EMG1: variants seen among roughly 807,000 people sequenced by gnomAD.
EMG1 encodes the protein ribosomal RNA small subunit methyltransferase NEP1.
A neutral mutation model predicts 26.9 loss-of-function variants in EMG1; 24 were observed. That is an observed-to-expected ratio of 0.89 (90% confidence interval 0.65 to 1.26). The LOEUF is 1.26. Ranked by LOEUF, EMG1 falls within the 50% of genes most tolerant of loss-of-function variation. The probability of loss-of-function intolerance (pLI) is 0.00; values close to 1 mark genes in which losing one functional copy is unlikely to be tolerated. For missense variants in EMG1, 299 were observed against 307.6 expected (o/e 0.97, Z 0.21); for synonymous variants, 140 against 112.6 (o/e 1.24, Z -1.54).
downstream of EMG1, chr12:6,982,596 T>A (rs1401333623): frequency 6.5e-6 from 7 of 1,071,196 alleles, no homozygotes; most frequent in Non-Finnish European, 1.0e-5. Flanking sequence ...TGCTAATTTC[T>A]ATACCACAGT....
intron 3 of EMG1, 23 bp from the exon 4 acceptor site, chr12:6,975,067 G>A: frequency 1.2e-6 from 2 of 1,613,244 alleles, no homozygotes; most frequent in Non-Finnish European, 1.7e-6. Flanking sequence ...ATCTAGCTCT[G>A]AACTCTTTTT....
At chr12:6,973,735 G>C (rs778054396) in intron 1 of EMG1, among the ~76,000 whole-genome samples, 7 of 151,606 alleles carry the variant, frequency 4.6e-5, no homozygotes, top group African/African-American at 9.7e-5. Context: ...GTAGAGATGG[G>C]GTTTCACCGT....
Position 6,977,486 on chromosome 12 carries a change from G to A in EMG1, c.*1677G>A. 6.2e-7 allele frequency: 1 copy of A among 1,614,230 alleles called. No homozygotes were observed. On this transcript the variant is annotated 3_prime_UTR_variant, in exon 6 of 6. Transcript: ENST00000599672. The surrounding 1 kb of genome is among the most constrained non-coding windows in gnomAD (Gnocchi z 4.5). Reference sequence around the variant, plus strand: ...GGCTGGAGGACAGTAATGGCGGCCAGCTTGCTCAGGGTGGGGCTCTCTTGA... The same window carrying A: ...GGCTGGAGGACAGTAATGGCGGCCAACTTGCTCAGGGTGGGGCTCTCTTGA...
chr12:6,978,589 A>G lies in EMG1; in HGVS notation c.*2780A>G, dbSNP rs1555153638. The G allele has an allele frequency of 1.9e-6, 3 of 1,614,060 alleles. No homozygotes were observed. Among genetic ancestry groups the G allele is most frequent in the Admixed American group, 1.7e-5 (1 of 60,004 alleles). ...CTTGTCTAAATAGGACCTTGTTTCA[A>G]CTTTTCTACTTACTGTGACCAGCCA... On this transcript the variant is annotated 3_prime_UTR_variant, in exon 6 of 6. Transcript: ENST00000599672.
Position 6,978,539 on chromosome 12 carries a change from C to T in EMG1, c.*2730C>T, listed in dbSNP as rs1555153627. ...GGGAATAGCTCAGTTAGGGCTCTTG[C>T]CACTCCCCATACTGGCCCCCATGGC... On this transcript the variant is annotated 3_prime_UTR_variant, in exon 6 of 6. Transcript: ENST00000599672. 2 of 1,611,602 alleles carry T rather than the reference C, an allele frequency of 1.2e-6. No homozygotes were observed. The highest frequency in any genetic ancestry group is 1.7e-6 in the Non-Finnish European group (2 of 1,178,184).
chr12:6,982,811 G>T (rs1555154319), downstream of EMG1: 6 of 1,466,658 alleles, frequency 4.1e-6, no homozygotes, highest in South Asian at 5.7e-5. Context: ...AATTTAGCCT[G>T]GTTTTTACAC....
chr12:6,977,837 G>A lies in EMG1; in HGVS notation c.*2028G>A, dbSNP rs1946425556. On this transcript the variant is annotated 3_prime_UTR_variant, in exon 6 of 6. Coordinates refer to ENST00000599672, the MANE Select transcript of EMG1 (RefSeq NM_006331.8). The surrounding 1 kb of genome is among the most constrained non-coding windows in gnomAD (Gnocchi z 4.5). ...GGGTCCTCACCCTGAGGATTGGATT[G>A]GAGTGCTGGTGGGTTCCCACGTGTA... is the stretch of plus-strand genomic sequence containing the variant. The A allele has an allele frequency of 6.6e-7, 1 of 1,505,694 alleles. No individual in the cohort carries two copies. Among genetic ancestry groups the A allele is most frequent in the South Asian group, 1.2e-5 (1 of 83,772 alleles). 93.3% of individuals were successfully genotyped at this position (1,505,694 alleles called of 1,614,324 possible). A position where few individuals can be genotyped will look rare whatever the true frequency, so the allele number is the denominator to read the frequency against.
chr12:6,995,091 A>G (rs1946625224), intron 7 of EMG1, among the ~76,000 whole-genome samples: 1 of 150,262 alleles, frequency 6.7e-6, no homozygotes, highest in Admixed American at 6.7e-5. Flanking sequence ...ACTAAGGCAT[A>G]AATTTCTCCC....
chr12:6,977,153 ATCT>A lies in EMG1; in HGVS notation c.*1349_*1351del, dbSNP rs1166003126. 5 of 1,600,420 alleles carry A rather than the reference ATCT, an allele frequency of 3.1e-6. No individual in the cohort carries two copies. The highest frequency in any genetic ancestry group is 4.3e-6 in the Non-Finnish European group (5 of 1,167,542). ...ACTTACCAGGGAAATGGATTATTCCATCTTCTTTAACTTCTCTTTCCTTGGCAC... is the reference window on the plus strand; with the variant it reads ...ACTTACCAGGGAAATGGATTATTCCATCTTTAACTTCTCTTTCCTTGGCAC... On this transcript the variant is annotated 3_prime_UTR_variant, in exon 6 of 6. Coordinates refer to ENST00000599672, the MANE Select transcript of EMG1 (RefSeq NM_006331.8). The surrounding 1 kb of genome is among the most constrained non-coding windows in gnomAD (Gnocchi z 4.5).
chr12:6,986,329 T>C (rs1946525593), intron 6 of EMG1, among the ~76,000 whole-genome samples: 1 of 152,110 alleles, frequency 6.6e-6, no homozygotes, highest in African/African-American at 2.4e-5. Context: ...AGTAAACATA[T>C]TTTTTCTTGC....
intron 1 of EMG1, among the ~76,000 whole-genome samples, 172 bp from the exon 2 acceptor site, chr12:6,974,167 G>C (rs1290219861): frequency 6.6e-6 from 1 of 152,202 alleles, no homozygotes; most frequent in Admixed American, 6.5e-5. Flanking sequence ...AGGGCTTGCT[G>C]GGCTCCACCC....
chr12:6,975,195 T>C, intron 4 of EMG1, 34 bp from the exon 5 acceptor site: 1 of 1,614,024 alleles, frequency 6.2e-7, no homozygotes, highest in Non-Finnish European at 8.5e-7. Flanking sequence ...TGGGAATGTT[T>C]CTGGGGCTGA....
chr12:6,974,935 G>T, intron 3 of EMG1, 155 bp from the exon 4 acceptor site: 3 of 869,056 alleles, frequency 3.5e-6, no homozygotes, highest in Non-Finnish European at 5.6e-6. Flanking sequence ...CTAGCCATAT[G>T]CTTGGCAACT....
chr12:6,993,623 A>C (rs1331603185), intron 7 of EMG1, among the ~76,000 whole-genome samples: 1 of 152,156 alleles, frequency 6.6e-6, no homozygotes, highest in Non-Finnish European at 1.5e-5. Context: ...TGTTTCATAT[A>C]AATGGCGTCA....
intron 6 of EMG1, among the ~76,000 whole-genome samples, chr12:6,986,785 G>C (rs1946530537): frequency 8.7e-6 from 1 of 115,496 alleles, no homozygotes; most frequent in African/African-American, 3.5e-5. Context: ...GACAGAGTGA[G>C]ACTCTGTCTC....
At chr12:6,975,402 A>T (rs1555153005) in intron 5 of EMG1, 24 bp downstream of exon 5, 1 of 1,568,352 alleles carries the variant, frequency 6.4e-7, no homozygotes, top group East Asian at 2.3e-5. Flanking sequence ...TCAACCCTGA[A>T]ATTCTTGGTA....
At chr12:6,995,473 C>CAA (rs781835863) in intron 7 of EMG1, among the ~76,000 whole-genome samples, 6 of 126,560 alleles carry the variant, frequency 4.7e-5, no homozygotes, top group East Asian at 4.5e-4. Flanking sequence ...GACTCCGTCT[C>CAA]AAAAAAAAAA....
downstream of EMG1, chr12:6,981,471 A>T: frequency 1.0e-6 from 1 of 971,822 alleles, no homozygotes; most frequent in South Asian, 1.3e-5. Flanking sequence ...TGAAAGGGAG[A>T]TTGCACAGGC....
At chr12:6,974,515 T>C in intron 2 of EMG1, 37 bp from the exon 3 acceptor site, 1 of 1,610,438 alleles carries the variant, frequency 6.2e-7, no homozygotes, top group South Asian at 1.1e-5. Flanking sequence ...CTGCCTCTCT[T>C]CAGCCTTAAC....
Sources: allele counts gnomAD v4.1 joint callset (sites outside exome capture counted in the v4.1 genomes callset), GRCh38; gene constraint gnomAD v4.1.1; non-coding constraint Gnocchi (gnomAD v3.1); transcripts MANE v1.5; gene names NCBI Gene and HGNC (gene_info 2026-07-23, HGNC 2026-07-21).